Variants in INPP5A observed in about 807,000 individuals in gnomAD.
The protein encoded by INPP5A is 43 kDa inositol polyphosphate 5-phophatase.
A neutral mutation model predicts 65.2 loss-of-function variants in INPP5A; 14 were observed. That is an observed-to-expected ratio of 0.21 (90% CI 0.14 to 0.34). INPP5A has a LOEUF of 0.34. Ranked by LOEUF, INPP5A falls within the 10% of genes least tolerant of loss-of-function variation. The probability of loss-of-function intolerance (pLI) is 1.00; values close to 1 mark genes in which losing one functional copy is unlikely to be tolerated. For synonymous variants in INPP5A, 207 were observed against 208.3 expected, an observed-to-expected ratio of 0.99 and a Z score of 0.05; for missense variants, 431 against 545.6, an observed-to-expected ratio of 0.79 and a Z score of 2.09.
At chr10:132,677,403 G>A (rs57362316) in intron 4 of INPP5A, among the ~76,000 whole-genome samples, 1 of 152,270 alleles carries the variant, frequency 6.6e-6, no homozygotes, top group Non-Finnish European at 1.5e-5. Flanking sequence ...ACAGAGGAAG[G>A]AGAAAGTGCC....
chr10:132,688,564 G>A (rs1448514213), intron 4 of INPP5A, among the ~76,000 whole-genome samples: 2 of 152,224 alleles, frequency 1.3e-5, no homozygotes, highest in Non-Finnish European at 2.9e-5. Flanking sequence ...TGGGGTCATG[G>A]TTCTGCCCAA....
chr10:132,626,808 C>A (rs536757532), intron 2 of INPP5A, among the ~76,000 whole-genome samples: 4 of 152,294 alleles, frequency 2.6e-5, no homozygotes, highest in Non-Finnish European at 1.5e-5. Context: ...CTGTGGGAGG[C>A]CCCTTGTTGG....
chr10:132,615,806 G>C (rs1222177768), intron 2 of INPP5A, among the ~76,000 whole-genome samples: 1 of 152,162 alleles, frequency 6.6e-6, no homozygotes, highest in Admixed American at 6.5e-5. Flanking sequence ...TAGGCACTGG[G>C]TTGGTGGAGG....
Position 132,627,219 on chromosome 10 carries a change from C to T in INPP5A, c.118-18649C>T, listed in dbSNP as rs918515463. ...CCAGAACTGGGAGAAATACGTGTCT[C>T]GTTTAGGCTCTCTGGTCTGTGGCAT... On this transcript the variant is annotated intron_variant, in intron 2 of 15. Transcript: ENST00000368594. This position sits in a 1 kb window ranked among gnomAD's most constrained non-coding sequence, Gnocchi z 6.6. Among the ~76,000 whole-genome samples, 5 of 152,292 alleles carry T rather than the reference C, an allele frequency of 3.3e-5. No individual in the cohort carries two copies. The highest frequency in any genetic ancestry group is 4.8e-5 in the African/African-American group (2 of 41,550).
In INPP5A at chr10:132,748,358, G is replaced by A. The variant is rs148148442; in HGVS notation, c.733-1159G>A. Among the ~76,000 whole-genome samples the A allele has an allele frequency of 1.8e-3, 279 of 152,308 alleles. 6 individuals are homozygous for A. The South Asian group carries it at 0.046, about 25-fold the overall frequency. On this transcript the variant is annotated intron_variant, in intron 9 of 15. Coordinates refer to ENST00000368594, the MANE Select transcript of INPP5A (RefSeq NM_005539.5). ...CGGTGCCTCTGCCCGCCATGAGCAC[G>A]GGCCCTCGCTGTCCACACAGAGCTT...
chr10:132,718,853 T>G (rs1418012271), intron 8 of INPP5A, among the ~76,000 whole-genome samples: 8 of 149,028 alleles, frequency 5.4e-5, no homozygotes, highest in Non-Finnish European at 1.2e-4. Flanking sequence ...TCTGGGCACC[T>G]TAGACGGCTG....
chr10:132,719,003 GC>G (rs1845804126), intron 8 of INPP5A, among the ~76,000 whole-genome samples: 1 of 124,678 alleles, frequency 8.0e-6, no homozygotes, highest in Non-Finnish European at 1.7e-5. Flanking sequence ...CTGTCTGGGC[GC>G]CTTAGACGAC....
intron 1 of INPP5A, among the ~76,000 whole-genome samples, chr10:132,605,766 C>T (rs1283058940): frequency 6.6e-6 from 1 of 152,098 alleles, no homozygotes; most frequent in Admixed American, 6.5e-5. Context: ...AACTGAAGGC[C>T]TTGAGGGCCT....
At chr10:132,746,605 C>T (rs775158846) in intron 9 of INPP5A, among the ~76,000 whole-genome samples, 7 of 152,222 alleles carry the variant, frequency 4.6e-5, no homozygotes, top group Non-Finnish European at 8.8e-5. Flanking sequence ...GCAGGAACTT[C>T]GTGATCCACA....
At chr10:132,735,605 C>T (rs1320998611) in intron 9 of INPP5A, among the ~76,000 whole-genome samples, 3 of 152,248 alleles carry the variant, frequency 2.0e-5, no homozygotes, top group Non-Finnish European at 4.4e-5. Flanking sequence ...CGGTCCTGGG[C>T]TGGTGGGGTC....
chr10:132,730,915 T>TAG (rs1404237720), intron 9 of INPP5A, among the ~76,000 whole-genome samples: 3 of 152,202 alleles, frequency 2.0e-5, no homozygotes, highest in Admixed American at 6.5e-5. Flanking sequence ...TCAGATCTGA[T>TAG]AGAGCCGCGT....
intron 4 of INPP5A, among the ~76,000 whole-genome samples, chr10:132,665,921 G>A (rs2072794859): frequency 6.6e-6 from 1 of 152,102 alleles, no homozygotes; most frequent in Admixed American, 6.5e-5. Flanking sequence ...CAGCTGCAAT[G>A]GCGTGCACCT....
chr10:132,618,305 C>G (rs564275116), intron 2 of INPP5A, among the ~76,000 whole-genome samples: 14 of 152,234 alleles, frequency 9.2e-5, no homozygotes, highest in Non-Finnish European at 1.6e-4. Flanking sequence ...TTCACGGATG[C>G]AAGGCTGGCA....
At chr10:132,657,066 C>T (rs769320041) in intron 4 of INPP5A, among the ~76,000 whole-genome samples, 11 of 152,196 alleles carry the variant, frequency 7.2e-5, no homozygotes, top group Non-Finnish European at 1.3e-4. Context: ...AGGAGACCTC[C>T]GTGTGGAGTA....
At chr10:132,664,845 A>T (rs978777586) in intron 4 of INPP5A, among the ~76,000 whole-genome samples, 1 of 152,204 alleles carries the variant, frequency 6.6e-6, no homozygotes, top group African/African-American at 2.4e-5. Context: ...CATCCTGGCC[A>T]CACATCCCTG....
intron 9 of INPP5A, among the ~76,000 whole-genome samples, chr10:132,731,333 G>A (rs1017253350): frequency 2.8e-4 from 43 of 151,910 alleles, no homozygotes; most frequent in African/African-American, 9.2e-4. Flanking sequence ...GAGTGACTGC[G>A]TGCCTCCTGC....
intron 8 of INPP5A, among the ~76,000 whole-genome samples, chr10:132,717,879 C>T (rs1056181179): frequency 2.8e-5 from 4 of 144,878 alleles, no homozygotes; most frequent in Admixed American, 6.7e-5. Flanking sequence ...TGTCTGGGCG[C>T]CTTAGACGGC....
intron 1 of INPP5A, among the ~76,000 whole-genome samples, chr10:132,606,945 T>C (rs1447461467): frequency 6.6e-6 from 1 of 152,192 alleles, no homozygotes; most frequent in Non-Finnish European, 1.5e-5. Flanking sequence ...GAACTTGTTC[T>C]CTCGCAAAAT....
chr10:132,662,036 C>G (rs191899433), intron 4 of INPP5A, among the ~76,000 whole-genome samples: 1 of 152,280 alleles, frequency 6.6e-6, no homozygotes, highest in Admixed American at 6.5e-5. Flanking sequence ...ATAGACCTAG[C>G]GTAAGAGCTA....
Sources: gnomAD v4.1 joint callset for allele counts (sites outside exome capture counted in the v4.1 genomes callset) on GRCh38, gnomAD v4.1.1 for gene constraint, Gnocchi (gnomAD v3.1) non-coding constraint, MANE v1.5 for transcripts, NCBI Gene and HGNC (gene_info 2026-07-23, HGNC 2026-07-21) for gene names.